Variants in GALNT18 observed in about 807,000 individuals in gnomAD.
GALNT18 encodes GalNAc-transferase 18.
GALNT18 carries 44 observed loss-of-function variants against 69.5 expected under a neutral mutation model. The observed-to-expected ratio is 0.63, with a 90% CI of 0.50 to 0.81. The LOEUF (loss-of-function observed/expected upper bound fraction) is 0.81, where lower values mean the gene tolerates loss of function less well. Ranked by LOEUF, GALNT18 falls within the 40% of genes least tolerant of loss-of-function variation. The pLI, the probability that GALNT18 is intolerant of heterozygous loss-of-function variation, is 0.00. For missense variants in GALNT18, 715 were observed against 810.0 expected (o/e 0.88, Z 1.42); for synonymous variants, 364 against 318.2 (o/e 1.14, Z -1.53).
chr11:11,422,618 G>GT (rs1413098273), intron 3 of GALNT18, among the ~76,000 whole-genome samples: 4 of 149,304 alleles, frequency 2.7e-5, no homozygotes, highest in Non-Finnish European at 5.9e-5. Flanking sequence ...TGTTTTTTTT[G>GT]TTGTTTTTTT....
chr11:11,507,005 G>T (rs927478775), intron 1 of GALNT18, among the ~76,000 whole-genome samples: 1 of 152,202 alleles, frequency 6.6e-6, no homozygotes, highest in African/African-American at 2.4e-5. Flanking sequence ...GCACCTGCAA[G>T]AAAGTTACTC....
chr11:11,457,204 A>G (rs148372500), intron 1 of GALNT18, among the ~76,000 whole-genome samples: 2 of 152,314 alleles, frequency 1.3e-5, no homozygotes, highest in African/African-American at 4.8e-5. Context: ...TGGTACTGAG[A>G]CTGCACAATG....
chr11:11,335,870 A>T (rs1850103039), intron 7 of GALNT18, among the ~76,000 whole-genome samples: 2 of 152,152 alleles, frequency 1.3e-5, no homozygotes, highest in African/African-American at 4.8e-5. Context: ...TCCCCTCGAG[A>T]TGCTGGAGGG....
chr11:11,457,318 C>A (rs571886942), intron 1 of GALNT18, among the ~76,000 whole-genome samples: 111 of 152,336 alleles, frequency 7.3e-4, no homozygotes, highest in South Asian at 6.4e-3. Context: ...CCCTGCAGAT[C>A]CCCTTCTGCT....
Position 11,279,367 on chromosome 11 carries a change from C to G in GALNT18, c.1678-8077G>C, listed in dbSNP as rs190471259. Among the ~76,000 whole-genome samples the G allele has an allele frequency of 4.1e-3, 621 of 152,252 alleles. 4 individuals carry two copies. The highest frequency in any genetic ancestry group is 6.6e-3 in the Non-Finnish European group (446 of 68,016). On this transcript the variant is annotated intron_variant, in intron 10 of 10. Coordinates refer to ENST00000227756, the MANE Select transcript of GALNT18 (RefSeq NM_198516.3). ...GACTAAAAAAAAACTTCAGTTCTTA[C>G]AACTGTTGAAATGGGCAGTACCTAC...
chr11:11,453,224 T>A (rs1406883196), intron 1 of GALNT18, among the ~76,000 whole-genome samples: 1 of 152,136 alleles, frequency 6.6e-6, no homozygotes, highest in African/African-American at 2.4e-5. Flanking sequence ...AGGAGACCCC[T>A]GGGCCAGGGG....
At chr11:11,568,420 T>C (rs1180934293) in intron 1 of GALNT18, among the ~76,000 whole-genome samples, 2 of 152,140 alleles carry the variant, frequency 1.3e-5, no homozygotes, top group African/African-American at 2.4e-5. Context: ...TCATTTTCCA[T>C]CCATTTATAC....
intron 1 of GALNT18, among the ~76,000 whole-genome samples, chr11:11,597,341 G>C (rs894795370): frequency 6.6e-6 from 1 of 152,164 alleles, no homozygotes; most frequent in African/African-American, 2.4e-5. Flanking sequence ...CTATTTTTCA[G>C]AAGAGTTTAT....
At chr11:11,515,510 C>T (rs1857255030) in intron 1 of GALNT18, among the ~76,000 whole-genome samples, 1 of 152,196 alleles carries the variant, frequency 6.6e-6, no homozygotes, top group African/African-American at 2.4e-5. Flanking sequence ...CTACATACCC[C>T]CTGCCCTTGT....
In GALNT18 at chr11:11,543,422, T is replaced by A. The variant is rs970062830; in HGVS notation, c.235+77937A>T. On this transcript the variant is annotated intron_variant, in intron 1 of 10. Transcript: ENST00000227756. The surrounding 1 kb of genome is among the most constrained non-coding windows in gnomAD (Gnocchi z 5.1). ...CCTCGATGGAGACCCACTCTGGAAC[T>A]GGATATGCCACCCATTTTAGGTCGG... 6.6e-6 allele frequency among the ~76,000 whole-genome samples: 1 copy of A among 152,170 alleles called. No homozygotes were observed. The highest frequency in any genetic ancestry group is 2.4e-5 in the African/African-American group (1 of 41,434).
At chr11:11,323,902 G>T (rs1252503901) in intron 9 of GALNT18, among the ~76,000 whole-genome samples, 1 of 152,032 alleles carries the variant, frequency 6.6e-6, no homozygotes, top group Non-Finnish European at 1.5e-5. Context: ...TTCAGAAAGA[G>T]CTTTCTCAGT....
At chr11:11,485,731 G>A (rs920579443) in intron 1 of GALNT18, among the ~76,000 whole-genome samples, 2 of 152,168 alleles carry the variant, frequency 1.3e-5, no homozygotes, top group African/African-American at 4.8e-5. Context: ...ACCTTCATGG[G>A]CCAGCATGAA....
intron 1 of GALNT18, among the ~76,000 whole-genome samples, chr11:11,567,716 G>A (rs144277888): frequency 4.6e-5 from 7 of 152,284 alleles, no homozygotes; most frequent in African/African-American, 1.7e-4. Flanking sequence ...ACCCACAAGG[G>A]ATACATGGCA....
intron 3 of GALNT18, among the ~76,000 whole-genome samples, chr11:11,425,297 A>G (rs1483931217): frequency 6.6e-6 from 1 of 152,180 alleles, no homozygotes; most frequent in East Asian, 1.9e-4. Context: ...GGAGAGACAG[A>G]AGATTCCATC....
intron 6 of GALNT18, among the ~76,000 whole-genome samples, chr11:11,342,833 T>C (rs1850233627): frequency 6.6e-6 from 1 of 152,248 alleles, no homozygotes; most frequent in African/African-American, 2.4e-5. Flanking sequence ...ACTGTGCTTC[T>C]GTTTCCTCCT....
intron 1 of GALNT18, among the ~76,000 whole-genome samples, chr11:11,550,763 A>C (rs1858169284): frequency 6.6e-6 from 1 of 152,242 alleles, no homozygotes; most frequent in Non-Finnish European, 1.5e-5. Context: ...GTGGCTCTTG[A>C]AATGTGGCTA....
At chr11:11,281,744 G>C (rs1442906719) in intron 10 of GALNT18, among the ~76,000 whole-genome samples, 1 of 150,778 alleles carries the variant, frequency 6.6e-6, no homozygotes, top group African/African-American at 2.4e-5. Context: ...CTAGAGACTA[G>C]AAGTGCGGTG....
rs778577296 is a variant in GALNT18, at chr11:11,605,347, C to T, written c.235+16012G>A. On this transcript the variant is annotated intron_variant, in intron 1 of 10. Coordinates refer to ENST00000227756, the MANE Select transcript of GALNT18 (RefSeq NM_198516.3). This position sits in a 1 kb window ranked among gnomAD's most constrained non-coding sequence, Gnocchi z 4.7. Reference sequence around the variant, plus strand: ...GCAAGAAACACCCTCTTCTGATCTCCGGGTTGCCCTCTCTCAGCTCCCTCT... The same window carrying T: ...GCAAGAAACACCCTCTTCTGATCTCTGGGTTGCCCTCTCTCAGCTCCCTCT... Among the ~76,000 whole-genome samples, 8 of 152,160 alleles carry T rather than the reference C, an allele frequency of 5.3e-5. No homozygotes were observed. Among genetic ancestry groups the T allele is most frequent in the Non-Finnish European group, 1.2e-4 (8 of 68,038 alleles).
intron 1 of GALNT18, among the ~76,000 whole-genome samples, chr11:11,520,684 G>A (rs1474134126): frequency 1.3e-5 from 2 of 152,204 alleles, no homozygotes; most frequent in East Asian, 3.9e-4. Flanking sequence ...GGCAGAGGGA[G>A]AGCCAGGCTG....
Sources: gnomAD v4.1 joint callset for allele counts (sites outside exome capture counted in the v4.1 genomes callset) on GRCh38, gnomAD v4.1.1 for gene constraint, Gnocchi (gnomAD v3.1) non-coding constraint, MANE v1.5 for transcripts, NCBI Gene and HGNC (gene_info 2026-07-23, HGNC 2026-07-21) for gene names.